Variants in CD99L2 observed in about 807,000 individuals in gnomAD.
CD99L2 encodes CD99 molecule like 2.
CD99L2 carries 24 observed loss-of-function variants against 27.3 expected under a neutral mutation model. That is an observed-to-expected ratio of 0.88 (90% CI 0.64 to 1.24). The LOEUF is 1.24. Ranked by LOEUF, CD99L2 falls within the 50% of genes most tolerant of loss-of-function variation. The pLI, the probability that CD99L2 is intolerant of heterozygous loss-of-function variation, is 0.00. For missense variants in CD99L2, 255 were observed against 221.6 expected, an observed-to-expected ratio of 1.15 and a Z score of -0.96; for synonymous variants, 97 against 87.9, an observed-to-expected ratio of 1.10 and a Z score of -0.58.
chrX:150,898,054 A>AACCCCCCCCCCCCC lies in CD99L2; in HGVS notation c.67+467_67+468insGGGGGGGGGGGGGT, dbSNP rs2047641582. 1.7e-4 allele frequency among the ~76,000 whole-genome samples: 5 copies of AACCCCCCCCCCCCC among 29,968 alleles called. 1 individual carries two copies. The Admixed American group carries it at 2.3e-3, about 14-fold the overall frequency. The allele number at this position is 29,968 out of a possible 115,157, so 26.0% of individuals were successfully genotyped here. ...AGCTGGTTAGACCTACGCCTCGCTGACCCCCCCCCCCCCCCCCCACAGCCC... is the reference window on the plus strand; with the variant it reads ...AGCTGGTTAGACCTACGCCTCGCTGAACCCCCCCCCCCCCCCCCCCCCCCCCCCCCCCACAGCCC... On this transcript the variant is annotated intron_variant, in intron 1 of 10. Coordinates refer to ENST00000370377, the MANE Select transcript of CD99L2 (RefSeq NM_031462.4).
At chrX:150,892,703 C>G (rs782231164) in intron 1 of CD99L2, among the ~76,000 whole-genome samples, 1 of 110,061 alleles carries the variant, frequency 9.1e-6, no homozygotes, top group Non-Finnish European at 1.9e-5. Flanking sequence ...CCCAGCTCCT[C>G]CCAACACTCC....
intron 1 of CD99L2, among the ~76,000 whole-genome samples, chrX:150,855,980 G>A (rs1176656318): frequency 1.8e-5 from 2 of 111,773 alleles, no homozygotes; most frequent in African/African-American, 6.5e-5. Flanking sequence ...CCAAATTCAT[G>A]GGCCTGGCAC....
intron 1 of CD99L2, among the ~76,000 whole-genome samples, chrX:150,850,984 C>A (rs782162126): frequency 9.0e-6 from 1 of 111,591 alleles, no homozygotes; most frequent in Admixed American, 9.5e-5. Flanking sequence ...ATTACAGGCA[C>A]GTGCCACGGC....
In CD99L2 at chrX:150,768,795, G is replaced by T; in HGVS notation, c.*239C>A. The T allele has an allele frequency of 1.4e-6, 1 of 730,716 alleles. No homozygotes were observed. The highest frequency in any genetic ancestry group is 1.8e-6 in the Non-Finnish European group (1 of 559,483). The allele number at this position is 730,716 out of a possible 1,213,427, so 60.2% of individuals were successfully genotyped here. On this transcript the variant is annotated 3_prime_UTR_variant, in exon 11 of 11. Coordinates refer to ENST00000370377, the MANE Select transcript of CD99L2 (RefSeq NM_031462.4). ...GAGTTGGTGGCTCAGCAGCTCCCGA[G>T]GCTGGTGCTGGCTTTCTATCAGAGC...
At chrX:150,849,114 C>A (rs1343376011) in intron 1 of CD99L2, among the ~76,000 whole-genome samples, 1 of 111,712 alleles carries the variant, frequency 9.0e-6, no homozygotes, top group East Asian at 2.8e-4. Context: ...CCCAAATATA[C>A]CTAATGGCAG....
At chrX:150,858,597 T>TA (rs782409539) in intron 1 of CD99L2, among the ~76,000 whole-genome samples, 287 of 112,186 alleles carry the variant, frequency 2.6e-3, no homozygotes, top group Non-Finnish European at 3.9e-3. Context: ...TGCTCCTGAC[T>TA]AACCAATGGG....
chrX:150,821,856 T>TA (rs1259301438), intron 2 of CD99L2, among the ~76,000 whole-genome samples: 33 of 110,921 alleles, frequency 3.0e-4, no homozygotes, highest in Admixed American at 9.6e-5. Context: ...GGCTTTCATT[T>TA]AAAAAAAATA....
At chrX:150,881,159 C>G (rs937194569) in intron 1 of CD99L2, among the ~76,000 whole-genome samples, 2 of 111,176 alleles carry the variant, frequency 1.8e-5, no homozygotes, top group Admixed American at 1.9e-4. Flanking sequence ...CTCCTTCCTC[C>G]TCTCCAGTGT....
In CD99L2 at chrX:150,895,051, T is replaced by G. The variant is rs187065426; in HGVS notation, c.67+3471A>C. ...TCCTAAACCTCTCTGGGCCCCATAT[T>G]TTTCATCTGAGAAGTGGGTTACCAA... is the stretch of plus-strand genomic sequence containing the variant. On this transcript the variant is annotated intron_variant, in intron 1 of 10. Transcript: ENST00000370377. Among the ~76,000 whole-genome samples, 72 of 111,755 alleles carry G rather than the reference T, an allele frequency of 6.4e-4. 2 individuals carry two copies. In the East Asian group the frequency reaches 0.014, roughly 22 times the overall value.
chrX:150,849,254 G>A (rs915554519), intron 1 of CD99L2, among the ~76,000 whole-genome samples: 4 of 111,490 alleles, frequency 3.6e-5, no homozygotes, highest in East Asian at 5.6e-4. Context: ...GGTGAGCAGC[G>A]TCAAAAACAG....
In CD99L2 at chrX:150,768,272, AC is replaced by A. The variant is rs1557418773; in HGVS notation, c.*761del. 8.9e-6 allele frequency: 1 copy of A among 111,934 alleles called. No homozygotes were observed. Among genetic ancestry groups the A allele is most frequent in the African/African-American group, 3.3e-5 (1 of 30,722 alleles). The allele number at this position is 111,934 out of a possible 1,213,427, so 9.2% of individuals were successfully genotyped here. A position where few individuals can be genotyped will look rare whatever the true frequency, so the allele number is the denominator to read the frequency against. On this transcript the variant is annotated 3_prime_UTR_variant, in exon 11 of 11. Transcript: ENST00000370377. ...ATTGCTAAAGACCTTTCTCATGTCA[AC>A]CCGAAGGCCACACCCAGCCCCCTAT...
intron 1 of CD99L2, among the ~76,000 whole-genome samples, chrX:150,879,925 C>CAA (rs782555339): frequency 0.012 from 339 of 27,142 alleles, 6 homozygotes; most frequent in Middle Eastern, 0.017. Flanking sequence ...ACCCTGTCTC[C>CAA]AAAAAAAAAA....
chrX:150,775,415 A>G (rs918213074), intron 9 of CD99L2, among the ~76,000 whole-genome samples: 2 of 112,623 alleles, frequency 1.8e-5, no homozygotes, highest in Non-Finnish European at 3.8e-5. Flanking sequence ...TTGTTCCCTC[A>G]ACAGCATCCC....
chrX:150,839,329 A>C, intron 1 of CD99L2, among the ~76,000 whole-genome samples: 1 of 111,829 alleles, frequency 8.9e-6, no homozygotes, highest in African/African-American at 3.2e-5. Flanking sequence ...ACTGAACAAG[A>C]AAGTAGTGAG....
At position 150,832,141 on chromosome X, in the gene CD99L2, A is replaced by G. The variant is rs190783713; in HGVS notation, c.68-848T>C. 4.2e-3 allele frequency among the ~76,000 whole-genome samples: 473 copies of G among 112,608 alleles called. 5 individuals are homozygous for G. Among genetic ancestry groups the G allele is most frequent in the African/African-American group, 0.014 (429 of 31,029 alleles). ...CACGAAACATTCTCCAGGATAGATC[A>G]TATGTTAGGCCACAAAACAAGTCTT... On this transcript the variant is annotated intron_variant, in intron 1 of 10. Coordinates refer to ENST00000370377, the MANE Select transcript of CD99L2 (RefSeq NM_031462.4).
intron 4 of CD99L2, among the ~76,000 whole-genome samples, chrX:150,807,172 C>T (rs1363641822): frequency 9.0e-6 from 1 of 110,832 alleles, no homozygotes; most frequent in Non-Finnish European, 1.9e-5. Flanking sequence ...AAGAGAAGTC[C>T]CTTTTTCAGC....
chrX:150,866,840 C>A (rs1057163594), intron 1 of CD99L2, among the ~76,000 whole-genome samples: 4 of 111,249 alleles, frequency 3.6e-5, no homozygotes, highest in African/African-American at 1.3e-4. Context: ...TACAATGATA[C>A]ATCAATTTTT....
At chrX:150,786,038 G>A (rs781828073) in intron 7 of CD99L2, among the ~76,000 whole-genome samples, 59 of 111,407 alleles carry the variant, frequency 5.3e-4, no homozygotes, top group Admixed American at 1.1e-3. Flanking sequence ...CGCTAGGTAG[G>A]TCTATGTTCA....
chrX:150,772,743 G>C (rs1406248349), intron 9 of CD99L2, among the ~76,000 whole-genome samples: 1 of 112,014 alleles, frequency 8.9e-6, no homozygotes, highest in Non-Finnish European at 1.9e-5. Flanking sequence ...GTGATAGGGA[G>C]GTGTGGCTCA....
Sources: allele counts gnomAD v4.1 joint callset (sites outside exome capture counted in the v4.1 genomes callset), GRCh38; gene constraint gnomAD v4.1.1; transcripts MANE v1.5; gene names NCBI Gene and HGNC (gene_info 2026-07-23, HGNC 2026-07-21).